ESRP2: variants seen among roughly 807,000 people sequenced by gnomAD.
ESRP2 encodes the protein RNA binding motif protein 35A.
In ESRP2, 48 loss-of-function variants were observed where a neutral mutation model predicts 78.6. The ratio of observed to expected loss-of-function variants is 0.61; its 90% CI spans 0.48 to 0.78. The LOEUF (loss-of-function observed/expected upper bound fraction) is 0.78, where lower values mean the gene tolerates loss of function less well. ESRP2 is among the 30% of genes least tolerant of loss of function. The pLI is 0.00. For missense variants in ESRP2, 863 were observed against 965.9 expected, an observed-to-expected ratio of 0.89 and a Z score of 1.41; for synonymous variants, 383 against 406.7, an observed-to-expected ratio of 0.94 and a Z score of 0.70.
At position 68,235,408 on chromosome 16, in the gene ESRP2, A is replaced by G. The variant is rs920240965; in HGVS notation, c.327+226T>C. 1.0e-6 allele frequency: 1 copy of G among 985,332 alleles called. No individual in the cohort carries two copies. Among genetic ancestry groups the G allele is most frequent in the Non-Finnish European group, 1.2e-6 (1 of 829,940 alleles). The allele number at this position is 985,332 out of a possible 1,614,324, so 61.0% of individuals were successfully genotyped here. A position where few individuals can be genotyped will look rare whatever the true frequency, so the allele number is the denominator to read the frequency against. On this transcript the variant is annotated intron_variant, in intron 2 of 14. Coordinates refer to ENST00000473183, the MANE Select transcript of ESRP2 (RefSeq NM_024939.3). This position sits in a 1 kb window ranked among gnomAD's most constrained non-coding sequence, Gnocchi z 5.5. ...CCTGCGTCCCGATCCCTTCGGTAGG[A>G]GTAGGTTCCTGCAATGGTTGAAAAG...
chr16:68,230,740 C>G, intron 13 of ESRP2, 101 bp downstream of exon 13: 1 of 1,500,386 alleles, frequency 6.7e-7, no homozygotes, highest in Non-Finnish European at 9.1e-7. Context: ...ACTCCCTTGT[C>G]ATCTCAAGGG....
In ESRP2 at chr16:68,230,939, C is replaced by T. The variant is rs1263192564; in HGVS notation, c.1800G>A (p.Leu600=). 1.6e-5 allele frequency: 26 copies of T among 1,612,714 alleles called. No individual in the cohort carries two copies. In the East Asian group the frequency reaches 5.8e-4, roughly 36 times the overall value. ...ETAALYPSSA[L]LPAARVPAAP... is the part of the protein sequence containing the mutation. ...CAGCAGGCACCCTGGCAGCTGGGAGCAGTGCTGAAGAGGGGTATAGAGCTG... is the reference window on the plus strand; with the variant it reads ...CAGCAGGCACCCTGGCAGCTGGGAGTAGTGCTGAAGAGGGGTATAGAGCTG... The change falls in exon 13 of 15, where the codon CTG becomes CTA. Residue 600 remains leucine, a synonymous_variant. Coordinates refer to ENST00000473183, the MANE Select transcript of ESRP2 (RefSeq NM_024939.3).
chr16:68,232,381 C>T lies in ESRP2; in HGVS notation c.944G>A (p.Arg315His), dbSNP rs751873605. ...LQRHKHHMGVRYIEVYKATGE... is the reference protein window; with the variant it reads ...LQRHKHHMGVHYIEVYKATGE... The stretch of plus-strand genomic sequence containing the variant: ...AGCCCAAAGCCCCACCTCAATATAG[C>T]GGACGCCCATGTGGTGCTTGTGTCT... The change falls in exon 8 of 15, where the codon CGC (arginine) becomes CAC (histidine). Residue 315 changes from arginine to histidine, a missense_variant. Transcript: ENST00000473183. The surrounding 1 kb of genome is among the most constrained non-coding windows in gnomAD (Gnocchi z 5.2). 8.1e-6 allele frequency: 13 copies of T among 1,613,838 alleles called. No individual in the cohort carries two copies. The highest frequency in any genetic ancestry group is 5.0e-5 in the Admixed American group (3 of 59,984).
chr16:68,236,009 G>T lies in ESRP2; in HGVS notation c.37C>A (p.Pro13Thr). 1 of 1,513,878 alleles carries T rather than the reference G, an allele frequency of 6.6e-7. No homozygotes were observed. 93.8% of individuals were successfully genotyped at this position (1,513,878 alleles called of 1,614,324 possible). A position where few individuals can be genotyped will look rare whatever the true frequency, so the allele number is the denominator to read the frequency against. The change falls in exon 1 of 15, where the codon CCT becomes ACT. Residue 13 changes from proline to threonine, a missense_variant. Transcript: ENST00000473183. This position sits in a 1 kb window ranked among gnomAD's most constrained non-coding sequence, Gnocchi z 5.2. Reference protein sequence around the residue: ...PPPPPPPPPGPDPAADPAADP... With the variant: ...PPPPPPPPPGTDPAADPAADP... ...GCGGCGGGGTCGGCCGCGGGGTCAG[G>T]GCCCGGGGGAGGGGGCGGCGGCGGC... is the stretch of plus-strand genomic sequence containing the variant.
At position 68,230,464 on chromosome 16, in the gene ESRP2, T is replaced by G. The variant is rs771650901; in HGVS notation, c.1989A>C (p.Gly663=). 1.9e-6 allele frequency: 3 copies of G among 1,612,642 alleles called. No homozygotes were observed. The South Asian group carries it at 3.3e-5, about 18-fold the overall frequency. Residue 663 remains glycine, a synonymous_variant, in exon 14 of 15, where the codon GGA becomes GGC. Transcript: ENST00000473183. ...GGACACCCTGCATGCGGACCAAGGC[T>G]CCTGACTGGGACAACACTGAGGTGG... ...SAPTSVLSQS[G]ALVRMQGVPY... is the part of the protein sequence containing the mutation.
rs2042205286 is a variant in ESRP2, at chr16:68,235,108, C to T, written c.327+526G>A. The T allele has an allele frequency of 1.0e-6, 1 of 989,500 alleles. No homozygotes were observed. Among genetic ancestry groups the T allele is most frequent in the Non-Finnish European group, 1.2e-6 (1 of 832,306 alleles). 61.3% of individuals were successfully genotyped at this position (989,500 alleles called of 1,614,324 possible). A position where few individuals can be genotyped will look rare whatever the true frequency, so the allele number is the denominator to read the frequency against. ...AGGCAGATAGTCCCCCAGGCCAGGCCGGGACAGCGCCCACGCCTGGCCAGC... is the reference window on the plus strand; with the variant it reads ...AGGCAGATAGTCCCCCAGGCCAGGCTGGGACAGCGCCCACGCCTGGCCAGC... On this transcript the variant is annotated intron_variant, in intron 2 of 14. Transcript: ENST00000473183. This position sits in a 1 kb window ranked among gnomAD's most constrained non-coding sequence, Gnocchi z 5.5.
Position 68,231,124 on chromosome 16 carries a change from A to G in ESRP2, c.1711+54T>C. 2 of 1,609,432 alleles carry G rather than the reference A, an allele frequency of 1.2e-6. No individual in the cohort carries two copies. Among genetic ancestry groups the G allele is most frequent in the Non-Finnish European group, 1.7e-6 (2 of 1,176,834 alleles). On this transcript the variant is annotated intron_variant, in intron 12 of 14. Transcript: ENST00000473183. The surrounding 1 kb of genome is among the most constrained non-coding windows in gnomAD (Gnocchi z 6.0). ...TCCCCGCTATAGAAGGTAGGGGCTT[A>G]CAACAGCCTGGCTACCACAGGCCTC...
chr16:68,232,620 C>G lies in ESRP2; in HGVS notation c.778G>C (p.Asp260His). ...RARGLPWQSSDQDVARFFKGL... is the reference protein window; with the variant it reads ...RARGLPWQSSHQDVARFFKGL... ...TTGAAGAAGCGAGCCACGTCCTGGTCTGATGACTGCCACGGCAACCCACGA... is the reference window on the plus strand; with the variant it reads ...TTGAAGAAGCGAGCCACGTCCTGGTGTGATGACTGCCACGGCAACCCACGA... Residue 260 changes from aspartate (D) to histidine (H), a missense_variant, in exon 7 of 15, where the codon GAC (aspartate) becomes CAC (histidine). Asp to His is a moderately conservative substitution (Grantham distance 81). Transcript: ENST00000473183. This position sits in a 1 kb window ranked among gnomAD's most constrained non-coding sequence, Gnocchi z 5.2. The G allele has an allele frequency of 6.2e-7, 1 of 1,614,202 alleles. No homozygotes were observed. Among genetic ancestry groups the G allele is most frequent in the Non-Finnish European group, 8.5e-7 (1 of 1,180,046 alleles).
In ESRP2 at chr16:68,235,537, G is replaced by C; in HGVS notation, c.327+97C>G. On this transcript the variant is annotated intron_variant, in intron 2 of 14. Transcript: ENST00000473183. This position sits in a 1 kb window ranked among gnomAD's most constrained non-coding sequence, Gnocchi z 5.5. Reference sequence around the variant, plus strand: ...AGAGCCCAGTCCTGCCGCCTGGACCGGTTGGTTGCGGCACGCCAGGCCTAG... The same window carrying C: ...AGAGCCCAGTCCTGCCGCCTGGACCCGTTGGTTGCGGCACGCCAGGCCTAG... 1 of 1,521,968 alleles carries C rather than the reference G, an allele frequency of 6.6e-7. No individual in the cohort carries two copies. The allele number at this position is 1,521,968 out of a possible 1,614,324, so 94.3% of individuals were successfully genotyped here.
intron 2 of ESRP2, 101 bp from the exon 3 acceptor site, chr16:68,234,208 C>T: frequency 1.1e-6 from 1 of 899,990 alleles, no homozygotes; most frequent in Non-Finnish European, 1.7e-6. Flanking sequence ...GCTGGTTCAG[C>T]CAGATGTTCA....
In ESRP2 at chr16:68,230,827, T is replaced by A. The variant is rs986045866; in HGVS notation, c.1898+14A>T. Reference sequence around the variant, plus strand: ...AGGGAGTGGGACTGTGATATTCTCTTAGCTGCAGGGTACCTTGGGTAGTAG... The same window carrying A: ...AGGGAGTGGGACTGTGATATTCTCTAAGCTGCAGGGTACCTTGGGTAGTAG... On this transcript the variant is annotated intron_variant, in intron 13 of 14. Transcript: ENST00000473183. 1 of 1,613,896 alleles carries A rather than the reference T, an allele frequency of 6.2e-7. No individual in the cohort carries two copies.
rs1033623250 is a variant in ESRP2 at position 68,232,070 on chromosome 16, C to T, written c.1031G>A (p.Arg344Gln). 1.2e-6 allele frequency: 2 copies of T among 1,613,484 alleles called. No homozygotes were observed. Among genetic ancestry groups the T allele is most frequent in the African/African-American group, 1.3e-5 (1 of 74,986 alleles). The change falls in exon 10 of 15, where the codon CGG (arginine) becomes CAG (glutamine). Residue 344 changes from arginine to glutamine, a missense_variant. By Grantham distance (43) the Arg-to-Gln change is conservative. Coordinates refer to ENST00000473183, the MANE Select transcript of ESRP2 (RefSeq NM_024939.3). The surrounding 1 kb of genome is among the most constrained non-coding windows in gnomAD (Gnocchi z 5.2). ...TSLEVARFLS[R>Q]EDQVILRLRG... ...CAGCCGCAGGATCACTTGGTCTTCC[C>T]GTGACAAGAAACGAGCCACCTCTAG...
At position 68,236,021 on chromosome 16, in the gene ESRP2, G is replaced by T. The variant is rs1218625150; in HGVS notation, c.25C>A (p.Pro9Thr). 4 of 1,477,106 alleles carry T rather than the reference G, an allele frequency of 2.7e-6. No homozygotes were observed. Among genetic ancestry groups the T allele is most frequent in the Non-Finnish European group, 3.6e-6 (4 of 1,123,920 alleles). 91.5% of individuals were successfully genotyped at this position (1,477,106 alleles called of 1,614,324 possible). A position where few individuals can be genotyped will look rare whatever the true frequency, so the allele number is the denominator to read the frequency against. Residue 9 changes from proline to threonine, a missense_variant, in exon 1 of 15, where the codon CCT (proline) becomes ACT (threonine). Physicochemically the swap from Pro to Thr is conservative, Grantham distance 38 (BLOSUM62 -1). Transcript: ENST00000473183. This position sits in a 1 kb window ranked among gnomAD's most constrained non-coding sequence, Gnocchi z 5.2. ...GCCGCGGGGTCAGGGCCCGGGGGAG[G>T]GGGCGGCGGCGGCGGCGGAGTCATG... MTPPPPPPPPPGPDPAADP... is the reference protein window; with the variant it reads MTPPPPPPTPPGPDPAADP...
Position 68,230,954 on chromosome 16 carries a change from G to A in ESRP2, c.1785C>T (p.Tyr595=), listed in dbSNP as rs537836223. The change falls in exon 13 of 15, where the codon TAC becomes TAT. Residue 595 remains tyrosine, a synonymous_variant. Coordinates refer to ENST00000473183, the MANE Select transcript of ESRP2 (RefSeq NM_024939.3). ...CAGCTGGGAGCAGTGCTGAAGAGGG[G>A]TATAGAGCTGCCGTCTCCGTGGGAA... ...TLIPTETAAL[Y]PSSALLPAAR... 4 of 1,611,212 alleles carry A rather than the reference G, an allele frequency of 2.5e-6. No homozygotes were observed. Among genetic ancestry groups the A allele is most frequent in the East Asian group, 2.2e-5 (1 of 44,878 alleles).
rs2042143050 is a variant in ESRP2, at chr16:68,231,734, G to A, written c.1300-40C>T. The A allele has an allele frequency of 1.3e-6, 2 of 1,594,588 alleles. No homozygotes were observed. Among genetic ancestry groups the A allele is most frequent in the African/African-American group, 2.7e-5 (2 of 74,628 alleles). ...AGCAACAGGCTGGTCATGCCAAGTA[G>A]GGCAGGGACACAGAGGGCCGCCCTG... On this transcript the variant is annotated intron_variant, in intron 10 of 14. Transcript: ENST00000473183. The surrounding 1 kb of genome is among the most constrained non-coding windows in gnomAD (Gnocchi z 6.0).
chr16:68,232,176 G>A lies in ESRP2; in HGVS notation c.997+70C>T, dbSNP rs1373864579. 6.2e-7 allele frequency: 1 copy of A among 1,613,136 alleles called. No homozygotes were observed. The highest frequency in any genetic ancestry group is 2.2e-5 in the East Asian group (1 of 44,882). On this transcript the variant is annotated intron_variant, in intron 9 of 14. Coordinates refer to ENST00000473183, the MANE Select transcript of ESRP2 (RefSeq NM_024939.3). The surrounding 1 kb of genome is among the most constrained non-coding windows in gnomAD (Gnocchi z 5.2). Reference sequence around the variant, plus strand: ...CTCACCCATGCAGGGGAGCAGGCAGGCAAGGGGTGGTGGGGAAGTGAAATG... The same window carrying A: ...CTCACCCATGCAGGGGAGCAGGCAGACAAGGGGTGGTGGGGAAGTGAAATG...
In ESRP2 at chr16:68,232,845, G is replaced by T. The variant is rs1224615378; in HGVS notation, c.656-30C>A. 3.1e-6 allele frequency: 5 copies of T among 1,613,984 alleles called. No homozygotes were observed. The highest frequency in any genetic ancestry group is 4.2e-6 in the Non-Finnish European group (5 of 1,180,022). Reference sequence around the variant, plus strand: ...GAAAAGATGGCCTGGGGGTCAGCAGGGTCTGGTGGAGAGGGGTGTCCCCAC... The same window carrying T: ...GAAAAGATGGCCTGGGGGTCAGCAGTGTCTGGTGGAGAGGGGTGTCCCCAC... On this transcript the variant is annotated intron_variant, in intron 5 of 14. Coordinates refer to ENST00000473183, the MANE Select transcript of ESRP2 (RefSeq NM_024939.3). The surrounding 1 kb of genome is among the most constrained non-coding windows in gnomAD (Gnocchi z 5.2).
At chr16:68,230,675 T>G in intron 13 of ESRP2, 121 bp from the exon 14 acceptor site, 1 of 1,419,628 alleles carries the variant, frequency 7.0e-7, no homozygotes, top group Non-Finnish European at 9.5e-7. Flanking sequence ...AGCCCCAGCC[T>G]CTACAGAGTC....
intron 4 of ESRP2, 59 bp from the exon 5 acceptor site, chr16:68,233,484 C>T (rs1299842850): frequency 6.0e-6 from 8 of 1,331,734 alleles, no homozygotes; most frequent in African/African-American, 2.9e-5. Flanking sequence ...CCTGTTTACT[C>T]CTGGGCCCAA....
Sources: gnomAD v4.1 joint callset for allele counts on GRCh38, gnomAD v4.1.1 for gene constraint, Gnocchi (gnomAD v3.1) non-coding constraint, MANE v1.5 for transcripts, NCBI Gene and HGNC (gene_info 2026-07-23, HGNC 2026-07-21) for gene names.